TTLL5: variants seen among roughly 807,000 people sequenced by gnomAD.
TTLL5 encodes the protein tubulin polyglutamylase TTLL5.
TTLL5 carries 132 observed loss-of-function variants against 168.4 expected under a neutral mutation model. The observed-to-expected ratio is 0.78, with a 90% CI of 0.68 to 0.91. The LOEUF (loss-of-function observed/expected upper bound fraction) is 0.91. TTLL5 is among the 40% of genes least tolerant of loss of function. The pLI, the probability that TTLL5 is intolerant of heterozygous loss-of-function variation, is 0.00. For synonymous variants in TTLL5, 546 were observed against 558.6 expected (o/e 0.98, Z 0.32); for missense variants, 1,545 against 1,581.5 (o/e 0.98, Z 0.39).
intron 27 of TTLL5, among the ~76,000 whole-genome samples, chr14:75,805,009 C>G (rs1447284403): frequency 1.3e-5 from 2 of 152,098 alleles, no homozygotes; most frequent in East Asian, 3.8e-4. Flanking sequence ...CTTGTACTGC[C>G]AAACTTCTTT....
Position 75,745,570 on chromosome 14 carries a change from G to A in TTLL5, c.1476G>A (p.Trp492Ter). ...GCATATTTCCTACATCTGAGACATG[G>A]GAAATATATGGGTGAGGTGACTACC... ...FIRIFPTSET[W>*]EIYGSYLEHK... is the part of the protein sequence containing the mutation. The change falls in exon 17 of 32, where the codon TGG becomes TGA. Residue 492 changes from tryptophan to a stop codon, truncating the protein, a stop_gained. Transcript: ENST00000298832. LOFTEE classifies it high-confidence loss of function. The A allele has an allele frequency of 6.2e-7, 1 of 1,613,800 alleles. No individual in the cohort carries two copies. The highest frequency in any genetic ancestry group is 8.5e-7 in the Non-Finnish European group (1 of 1,179,892).
At chr14:75,682,189 C>CAA (rs536041762) in intron 4 of TTLL5, among the ~76,000 whole-genome samples, 4 of 56,982 alleles carry the variant, frequency 7.0e-5, no homozygotes, top group Non-Finnish European at 7.3e-5. Context: ...GACTCCGTCT[C>CAA]AAAAAAAAAA....
intron 20 of TTLL5, among the ~76,000 whole-genome samples, chr14:75,770,179 G>A (rs1371458590): frequency 1.8e-3 from 150 of 84,986 alleles, no homozygotes; most frequent in Middle Eastern, 8.1e-3. Flanking sequence ...ACTCTGTCTC[G>A]AAAAAAAAAA....
chr14:75,672,398 A>T lies in TTLL5; in HGVS notation c.181+2876A>T, dbSNP rs955315805. ...GTAGCTGGGATTATAGGCGTCCACC[A>T]CCATGCCCGGCTAATTTTTGTATTT... On this transcript the variant is annotated intron_variant, in intron 3 of 31. Coordinates refer to ENST00000298832, the MANE Select transcript of TTLL5 (RefSeq NM_015072.5). Among the ~76,000 whole-genome samples the T allele has an allele frequency of 9.2e-5, 14 of 151,964 alleles. 1 individual carries two copies. In the South Asian group the frequency reaches 2.9e-3, roughly 32 times the overall value.
At chr14:75,818,654 ATTT>A (rs34861864) in intron 27 of TTLL5, 603 of 142,780 alleles carry the variant, frequency 4.2e-3, no homozygotes, top group South Asian at 0.011. Flanking sequence ...CGCCTGGCTA[ATTT>A]TTTTTTTTTT....
chr14:75,757,938 A>G, intron 18 of TTLL5: 2 of 1,350,802 alleles, frequency 1.5e-6, no homozygotes, highest in South Asian at 1.9e-5. Flanking sequence ...CAGACTAAGC[A>G]TAATACCTTA....
Position 75,705,082 on chromosome 14 carries a change from G to A in TTLL5, c.586-1936G>A, listed in dbSNP as rs1886557612. Among the ~76,000 whole-genome samples the A allele has an allele frequency of 2.0e-5, 3 of 152,224 alleles. No homozygotes were observed. The South Asian group carries it at 6.2e-4, about 32-fold the overall frequency. The stretch of plus-strand genomic sequence containing the variant: ...CATAGCCTGCAGCTGTATAGTGATT[G>A]CATCAATTCTCATTGAGCAGATTCA... On this transcript the variant is annotated intron_variant, in intron 7 of 31. Coordinates refer to ENST00000298832, the MANE Select transcript of TTLL5 (RefSeq NM_015072.5).
chr14:75,707,045 A>C lies in TTLL5; in HGVS notation c.613A>C (p.Ile205Leu), dbSNP rs758282328. 1 of 1,612,834 alleles carries C rather than the reference A, an allele frequency of 6.2e-7. No individual in the cohort carries two copies. The highest frequency in any genetic ancestry group is 1.7e-5 in the Admixed American group (1 of 59,962). ...NPNQISLEEN[I>L]LVSRYINNPL... ...AAACCAGATCTCCCTGGAAGAGAAC[A>C]TTTTGGTCTCCCGTTACATTAACAA... Residue 205 changes from isoleucine to leucine, a missense_variant, in exon 8 of 32, where the codon ATT becomes CTT. Ile to Leu is a conservative substitution (Grantham distance 5, BLOSUM62 2). Transcript: ENST00000298832.
intron 23 of TTLL5, among the ~76,000 whole-genome samples, chr14:75,779,228 T>C (rs1344923479): frequency 6.6e-6 from 1 of 152,224 alleles, no homozygotes; most frequent in Non-Finnish European, 1.5e-5. Context: ...GGCTGTCCAA[T>C]AGAACTTTTT....
chr14:75,851,637 A>G (rs1336212604), intron 28 of TTLL5, among the ~76,000 whole-genome samples: 1 of 152,172 alleles, frequency 6.6e-6, no homozygotes, highest in Non-Finnish European at 1.5e-5. Flanking sequence ...CTTCCACCAT[A>G]GGAAAGTCCC....
At chr14:75,901,937 C>G (rs1314423836) in intron 30 of TTLL5, among the ~76,000 whole-genome samples, 1 of 152,146 alleles carries the variant, frequency 6.6e-6, no homozygotes, top group African/African-American at 2.4e-5. Context: ...AACAATAAAT[C>G]TCAAAATATA....
intron 27 of TTLL5, among the ~76,000 whole-genome samples, chr14:75,805,012 ACTT>A (rs1893567291): frequency 1.3e-5 from 2 of 152,126 alleles, no homozygotes; most frequent in South Asian, 4.1e-4. Flanking sequence ...GTACTGCCAA[ACTT>A]CTTTTAAAAT....
chr14:75,856,414 C>CT (rs1897126784), intron 28 of TTLL5, among the ~76,000 whole-genome samples: 1 of 152,048 alleles, frequency 6.6e-6, no homozygotes, highest in African/African-American at 2.4e-5. Context: ...AATTGTGAAA[C>CT]TGAGAAAAAC....
At chr14:75,769,286 T>G (rs1891141178) in intron 20 of TTLL5, among the ~76,000 whole-genome samples, 1 of 152,172 alleles carries the variant, frequency 6.6e-6, no homozygotes, top group Non-Finnish European at 1.5e-5. Flanking sequence ...ACTTAGGGGT[T>G]TGGGGAAAGT....
At chr14:75,876,868 A>G (rs760659413) in intron 29 of TTLL5, among the ~76,000 whole-genome samples, 1 of 152,194 alleles carries the variant, frequency 6.6e-6, no homozygotes, top group Non-Finnish European at 1.5e-5. Context: ...GGGTTGCATA[A>G]AAGTCTGGAT....
chr14:75,679,288 GAA>G (rs1884416453), intron 3 of TTLL5, among the ~76,000 whole-genome samples: 1 of 152,126 alleles, frequency 6.6e-6, no homozygotes, highest in African/African-American at 2.4e-5. Flanking sequence ...GTTGTGATGT[GAA>G]AAAGACTACA....
intron 27 of TTLL5, among the ~76,000 whole-genome samples, chr14:75,799,572 T>C (rs1595060996): frequency 6.6e-6 from 1 of 152,204 alleles, no homozygotes; most frequent in Non-Finnish European, 1.5e-5. Context: ...CCTGTAGGAT[T>C]TGTGCTTTAT....
intron 26 of TTLL5, among the ~76,000 whole-genome samples, chr14:75,787,741 C>T (rs919846439): frequency 2.0e-5 from 3 of 152,206 alleles, no homozygotes; most frequent in Non-Finnish European, 4.4e-5. Flanking sequence ...TCTGTCATAC[C>T]CTACATCATA....
At chr14:75,944,244 G>A (rs973793142) in intron 31 of TTLL5, among the ~76,000 whole-genome samples, 1 of 152,126 alleles carries the variant, frequency 6.6e-6, no homozygotes, top group Non-Finnish European at 1.5e-5. Context: ...GATACCTTCC[G>A]CCGGTAACAT....
Sources: gnomAD v4.1 joint callset for allele counts (sites outside exome capture counted in the v4.1 genomes callset) on GRCh38, gnomAD v4.1.1 for gene constraint, MANE v1.5 for transcripts, NCBI Gene and HGNC (gene_info 2026-07-23, HGNC 2026-07-21) for gene names.